Variants in GDNF observed in about 807,000 individuals in gnomAD.
GDNF encodes the protein glial cell line-derived neurotrophic factor.
In GDNF, 5 loss-of-function variants were observed where a neutral mutation model predicts 13.7. The ratio of observed to expected loss-of-function variants is 0.36; its 90% confidence interval spans 0.19 to 0.77. The LOEUF is 0.77. Ranked by LOEUF, GDNF falls within the 30% of genes least tolerant of loss-of-function variation. GDNF has a pLI of 0.51. For synonymous variants in GDNF, 122 were observed against 112.5 expected, an observed-to-expected ratio of 1.08 and a Z score of -0.53; for missense variants, 246 against 274.3, an observed-to-expected ratio of 0.90 and a Z score of 0.73.
At chr5:37,827,803 A>G (rs1326884472) in intron 2 of GDNF, among the ~76,000 whole-genome samples, 1 of 152,246 alleles carries the variant, frequency 6.6e-6, no homozygotes, top group Non-Finnish European at 1.5e-5. Context: ...GGCAGGTGCA[A>G]AGTTTTGCCA....
At chr5:37,835,931 A>C in intron 1 of GDNF, 1 of 512,240 alleles carries the variant, frequency 2.0e-6, no homozygotes. Flanking sequence ...CAATCCTCAC[A>C]CCCCTACAAA....
intron 2 of GDNF, among the ~76,000 whole-genome samples, chr5:37,826,788 T>C (rs575690310): frequency 1.3e-5 from 2 of 152,312 alleles, no homozygotes; most frequent in East Asian, 3.9e-4. Context: ...GCTCCTGCTG[T>C]GGTTCTCCTT....
intron 2 of GDNF, among the ~76,000 whole-genome samples, chr5:37,830,475 A>C (rs1862574): frequency 0.74 from 113,028 of 152,120 alleles, 42,026 homozygotes; most frequent in South Asian, 0.81. Flanking sequence ...GCAAGCCTGG[A>C]CTGCCTACGT....
chr5:37,817,202 T>C (rs940143131), intron 2 of GDNF, among the ~76,000 whole-genome samples: 3 of 152,184 alleles, frequency 2.0e-5, no homozygotes. Context: ...ATCAGCAGTC[T>C]CTTAGTGCTT....
intron 2 of GDNF, among the ~76,000 whole-genome samples, chr5:37,824,959 T>C (rs967511283): frequency 6.6e-6 from 1 of 152,220 alleles, no homozygotes; most frequent in African/African-American, 2.4e-5. Context: ...CACTGTTTTG[T>C]TGTTTTAAAA....
chr5:37,836,762 C>T (rs1378474312), intron 1 of GDNF, among the ~76,000 whole-genome samples: 1 of 152,236 alleles, frequency 6.6e-6, no homozygotes. Context: ...TTCCAAATCG[C>T]GGTGCCCGCC....
chr5:37,827,501 T>C (rs2111686719), intron 2 of GDNF, among the ~76,000 whole-genome samples: 1 of 152,336 alleles, frequency 6.6e-6, no homozygotes, highest in African/African-American at 2.4e-5. Flanking sequence ...TACAAACACT[T>C]GCAAAGGGAG....
intron 1 of GDNF, among the ~76,000 whole-genome samples, chr5:37,835,123 C>A (rs1750658583): frequency 6.6e-6 from 1 of 151,164 alleles, no homozygotes; most frequent in African/African-American, 2.4e-5. Context: ...TAACCCCCCA[C>A]CCCCACCACC....
At chr5:37,821,765 C>G (rs1000927371) in intron 2 of GDNF, among the ~76,000 whole-genome samples, 1 of 152,152 alleles carries the variant, frequency 6.6e-6, no homozygotes, top group African/African-American at 2.4e-5. Context: ...ATCCCAGGAA[C>G]AAAGGACTGA....
chr5:37,820,102 A>C (rs1750079425), intron 2 of GDNF, among the ~76,000 whole-genome samples: 1 of 152,218 alleles, frequency 6.6e-6, no homozygotes, highest in Admixed American at 6.5e-5. Context: ...CATAGGCTCT[A>C]TTCAAGAATT....
At chr5:37,834,897 C>G in intron 1 of GDNF, 75 bp from the exon 2 acceptor site, 2 of 1,370,064 alleles carry the variant, frequency 1.5e-6, no homozygotes, top group Non-Finnish European at 2.0e-6. Context: ...CGGGTCCCTG[C>G]GCCCCTCTCC....
chr5:37,812,786 G>A lies in GDNF; in HGVS notation c.*2865C>T, dbSNP rs942358328. ...ACACAAACGACCAAGACAGATCAGA[G>A]AAGTCAGAACTTCCAAACAAGTGCA... On this transcript the variant is annotated 3_prime_UTR_variant, in exon 3 of 3. Coordinates refer to ENST00000326524, the MANE Select transcript of GDNF (RefSeq NM_000514.4). 6.6e-6 allele frequency: 1 copy of A among 152,150 alleles called. No individual in the cohort carries two copies. Among genetic ancestry groups the A allele is most frequent in the Non-Finnish European group, 1.5e-5 (1 of 68,026 alleles). The allele number at this position is 152,150 out of a possible 1,614,324, so 9.4% of individuals were successfully genotyped here.
intron 2 of GDNF, among the ~76,000 whole-genome samples, chr5:37,826,843 C>T (rs778332152): frequency 3.9e-5 from 6 of 152,174 alleles, no homozygotes; most frequent in Non-Finnish European, 8.8e-5. Flanking sequence ...TACTGAGAGA[C>T]GGTGTGCTTC....
chr5:37,835,301 T>G, intron 1 of GDNF: 1 of 484,096 alleles, frequency 2.1e-6, no homozygotes, highest in Non-Finnish European at 3.4e-6. Context: ...AAGGACGGTG[T>G]TTCTCTTTGG....
chr5:37,835,867 G>T, intron 1 of GDNF: 1 of 607,604 alleles, frequency 1.6e-6, no homozygotes. Context: ...GTGGTACGGC[G>T]CAGAGTAGGG....
rs1750819894 is a variant in GDNF, at chr5:37,839,431, G to C, written c.-27+76C>G. 1 of 152,738 alleles carries C rather than the reference G, an allele frequency of 6.5e-6. No individual in the cohort carries two copies. The highest frequency in any genetic ancestry group is 2.1e-4 in the South Asian group (1 of 4,840). The allele number at this position is 152,738 out of a possible 1,614,324, so 9.5% of individuals were successfully genotyped here. On this transcript the variant is annotated intron_variant, in intron 1 of 2. Transcript: ENST00000326524. This position sits in a 1 kb window ranked among gnomAD's most constrained non-coding sequence, Gnocchi z 5.5. ...CCAGACGCACCCCTCTGACTAGGGC[G>C]CCCTTCAGCCGGCCGCACCCACCCG... is the stretch of plus-strand genomic sequence containing the variant.
At chr5:37,835,119 C>T (rs1750658258) in intron 1 of GDNF, among the ~76,000 whole-genome samples, 1 of 151,824 alleles carries the variant, frequency 6.6e-6, no homozygotes, top group Non-Finnish European at 1.5e-5. Flanking sequence ...CAGTTAACCC[C>T]CCACCCCCAC....
chr5:37,835,626 T>C (rs1344183755), intron 1 of GDNF: 3 of 1,548,790 alleles, frequency 1.9e-6, no homozygotes, highest in African/African-American at 1.4e-5. Flanking sequence ...GCTCAGTAAA[T>C]GCTTTACCAT....
intron 2 of GDNF, among the ~76,000 whole-genome samples, chr5:37,830,502 T>C (rs1035104861): frequency 3.3e-5 from 5 of 152,152 alleles, no homozygotes; most frequent in African/African-American, 1.2e-4. Flanking sequence ...CAACCAACAG[T>C]GGGGCCCAAA....
Sources: gnomAD v4.1 joint callset for allele counts (sites outside exome capture counted in the v4.1 genomes callset) on GRCh38, gnomAD v4.1.1 for gene constraint, Gnocchi (gnomAD v3.1) non-coding constraint, MANE v1.5 for transcripts, NCBI Gene and HGNC (gene_info 2026-07-23, HGNC 2026-07-21) for gene names.